Variants in DIP2A observed in about 807,000 individuals in gnomAD.
The protein encoded by DIP2A is disco-interacting protein 2 homolog A.
In DIP2A, 85 loss-of-function variants were observed where a neutral mutation model predicts 177.4. That is an observed-to-expected ratio of 0.48 (90% confidence interval 0.40 to 0.57). DIP2A has a LOEUF of 0.57. DIP2A is among the 20% of genes least tolerant of loss of function. The pLI is 0.00. For missense variants in DIP2A, 1,791 were observed against 2,100.2 expected (o/e 0.85, Z 2.88); for synonymous variants, 886 against 881.8 (o/e 1.00, Z -0.08).
At chr21:46,564,712 G>C (rs541601247) in intron 35 of DIP2A, among the ~76,000 whole-genome samples, 4 of 152,190 alleles carry the variant, frequency 2.6e-5, no homozygotes, top group Non-Finnish European at 5.9e-5. Flanking sequence ...CCAGCAAGCC[G>C]TGCCCAGAGG....
chr21:46,513,115 T>TTC (rs1555890784), intron 8 of DIP2A, among the ~76,000 whole-genome samples: 1 of 151,594 alleles, frequency 6.6e-6, no homozygotes, highest in Non-Finnish European at 1.5e-5. Flanking sequence ...TGTTTTTTTT[T>TTC]CCTGTATTGT....
chr21:46,555,958 T>A (rs752104379), intron 28 of DIP2A, 24 bp from the exon 29 acceptor site: 1 of 1,542,716 alleles, frequency 6.5e-7, no homozygotes, highest in Non-Finnish European at 9.0e-7. Context: ...AACACTAATG[T>A]TGCTGGTGTC....
At chr21:46,547,820 C>T (rs1432032820) in intron 21 of DIP2A, among the ~76,000 whole-genome samples, 1 of 151,938 alleles carries the variant, frequency 6.6e-6, no homozygotes, top group African/African-American at 2.4e-5. Flanking sequence ...CAGACATGCA[C>T]CCCACGCCTG....
chr21:46,488,881 G>C (rs2056841648), intron 2 of DIP2A, among the ~76,000 whole-genome samples: 1 of 152,152 alleles, frequency 6.6e-6, no homozygotes, highest in South Asian at 2.1e-4. Context: ...AAGAATAAAA[G>C]GATGCATATT....
chr21:46,563,481 A>T lies in DIP2A; in HGVS notation c.4090-377A>T, dbSNP rs111647996. Among the ~76,000 whole-genome samples the T allele has an allele frequency of 0.028, 4,210 of 152,246 alleles. 78 individuals carry two copies. The highest frequency in any genetic ancestry group is 0.038 in the Non-Finnish European group (2,600 of 68,010). ...CTTCCTCATGGTCAGGTTCCTGGCC[A>T]AGAACTAGGACAGACATGTGCCTCC... On this transcript the variant is annotated intron_variant, in intron 34 of 37. Transcript: ENST00000417564. The surrounding 1 kb of genome is among the most constrained non-coding windows in gnomAD (Gnocchi z 4.3).
chr21:46,539,588 G>A, intron 16 of DIP2A: 2 of 431,226 alleles, frequency 4.6e-6, no homozygotes, highest in South Asian at 2.0e-5. Flanking sequence ...TCCTTGCAGT[G>A]CCGTGCAGCT....
At chr21:46,514,770 G>A (rs983916931) in intron 8 of DIP2A, among the ~76,000 whole-genome samples, 8 of 151,536 alleles carry the variant, frequency 5.3e-5, no homozygotes, top group African/African-American at 1.7e-4. Context: ...GATGTGTTCT[G>A]TAGTTTTGTT....
chr21:46,532,182 G>T lies in DIP2A; in HGVS notation c.1250G>T (p.Gly417Val). The T allele has an allele frequency of 6.2e-7, 1 of 1,613,782 alleles. No homozygotes were observed. The highest frequency in any genetic ancestry group is 8.5e-7 in the Non-Finnish European group (1 of 1,179,810). The change falls in exon 10 of 38, where the codon GGG (glycine) becomes GTG (valine). Residue 417 changes from glycine to valine, a missense_variant. Physicochemically the swap from Gly to Val is moderately radical, Grantham distance 109. Coordinates refer to ENST00000417564, the MANE Select transcript of DIP2A (RefSeq NM_015151.4). ...GTGATGTTCATGGTTGCATTTTATG[G>T]GTGTCTCCTGGCAGAGCTGGTTCCT... The part of the protein sequence containing the change: ...DPVMFMVAFY[G>V]CLLAELVPVP...
Position 46,567,513 on chromosome 21 carries a change from A to T in DIP2A, c.4607A>T (p.Asp1536Val). 3 of 1,613,648 alleles carry T rather than the reference A, an allele frequency of 1.9e-6. No homozygotes were observed. Among genetic ancestry groups the T allele is most frequent in the African/African-American group, 1.3e-5 (1 of 74,928 alleles). ...YLVVGVVVIV[D>V]PGVIPINSRG... ...GTCGTGGGAGTGGTGGTCATCGTGG[A>T]CCCAGGGGTGATCCCTATCAACTCT... The change falls in exon 38 of 38, where the codon GAC (aspartate) becomes GTC (valine). Residue 1536 changes from aspartate to valine, a missense_variant. By Grantham distance (152) the Asp-to-Val change is radical. Coordinates refer to ENST00000417564, the MANE Select transcript of DIP2A (RefSeq NM_015151.4).
rs951877449 is a variant in DIP2A at position 46,490,856 on chromosome 21, A to C, written c.283+137A>C. ...TATTTTCACATAAGCAGTAATGTAC[A>C]TCATCATATTTTTTTCAAGAAAAAC... On this transcript the variant is annotated intron_variant, in intron 3 of 37. Transcript: ENST00000417564. 5 of 1,123,948 alleles carry C rather than the reference A, an allele frequency of 4.4e-6. No individual in the cohort carries two copies. The African/African-American group carries it at 4.8e-5, about 11-fold the overall frequency. 69.6% of individuals were successfully genotyped at this position (1,123,948 alleles called of 1,614,324 possible). A position where few individuals can be genotyped will look rare whatever the true frequency, so the allele number is the denominator to read the frequency against.
chr21:46,559,099 A>C (rs2060577460), intron 32 of DIP2A: 1 of 74,480 alleles, frequency 1.3e-5, no homozygotes, highest in Non-Finnish European at 3.4e-5. Flanking sequence ...CCTGTCTCAA[A>C]AAAAAAAAAA....
chr21:46,552,733 C>G (rs1326896838), intron 25 of DIP2A, among the ~76,000 whole-genome samples: 1 of 152,184 alleles, frequency 6.6e-6, no homozygotes, highest in Non-Finnish European at 1.5e-5. Context: ...ATCAGTCTTT[C>G]CTGCTAGAAA....
chr21:46,519,995 C>T (rs1333243765), intron 8 of DIP2A, among the ~76,000 whole-genome samples: 3 of 150,476 alleles, frequency 2.0e-5, no homozygotes, highest in African/African-American at 7.4e-5. Flanking sequence ...CTGCCTCAGC[C>T]TCCCAAGTAG....
In DIP2A at chr21:46,563,561, G is replaced by T. The variant is rs776696571; in HGVS notation, c.4090-297G>T. ...ACCCCTGGATGGATGCCCATCAGGTGCGCTGGCATCACCTGGCTGATTGTC... is the reference window on the plus strand; with the variant it reads ...ACCCCTGGATGGATGCCCATCAGGTTCGCTGGCATCACCTGGCTGATTGTC... On this transcript the variant is annotated intron_variant, in intron 34 of 37. Coordinates refer to ENST00000417564, the MANE Select transcript of DIP2A (RefSeq NM_015151.4). The surrounding 1 kb of genome is among the most constrained non-coding windows in gnomAD (Gnocchi z 4.3). 1 of 372,420 alleles carries T rather than the reference G, an allele frequency of 2.7e-6. No homozygotes were observed. The highest frequency in any genetic ancestry group is 5.0e-6 in the Non-Finnish European group (1 of 198,416). 23.1% of individuals were successfully genotyped at this position (372,420 alleles called of 1,614,324 possible).
rs144779961 is a variant in DIP2A, at chr21:46,468,158, C to T, written c.91+8936C>T. On this transcript the variant is annotated intron_variant, in intron 1 of 37. Coordinates refer to ENST00000417564, the MANE Select transcript of DIP2A (RefSeq NM_015151.4). Reference sequence around the variant, plus strand: ...GCAAGTACCTATAATCCCAGCTACTCGGGAGACTGAGGCAGGAGAATCTCT... The same window carrying T: ...GCAAGTACCTATAATCCCAGCTACTTGGGAGACTGAGGCAGGAGAATCTCT... Among the ~76,000 whole-genome samples the T allele has an allele frequency of 6.5e-3, 960 of 148,430 alleles. 11 individuals carry two copies. The highest frequency in any genetic ancestry group is 6.1e-3 in the Non-Finnish European group (412 of 67,532).
chr21:46,571,361 C>T (rs2060964697), downstream of DIP2A, among the ~76,000 whole-genome samples: 1 of 152,154 alleles, frequency 6.6e-6, no homozygotes, highest in East Asian at 1.9e-4. Flanking sequence ...GCAGATTGCT[C>T]ATCAGAAACT....
chr21:46,541,953 G>A (rs1404184297), intron 18 of DIP2A, 58 bp downstream of exon 18: 5 of 1,602,468 alleles, frequency 3.1e-6, no homozygotes, highest in Non-Finnish European at 4.3e-6. Flanking sequence ...AACGAAAAGG[G>A]TTTTGTTTTG....
chr21:46,482,581 A>G (rs1424322792), intron 1 of DIP2A, among the ~76,000 whole-genome samples: 1 of 152,192 alleles, frequency 6.6e-6, no homozygotes, highest in African/African-American at 2.4e-5. Context: ...TTAACTGTCA[A>G]ACAGCCTCAG....
chr21:46,582,591 T>C, the DIP2A span, among the ~76,000 whole-genome samples: 3 of 152,120 alleles, frequency 2.0e-5, no homozygotes, highest in African/African-American at 7.2e-5. Context: ...TCCTGAGTGG[T>C]CCATCGCTCC....
Sources: allele counts gnomAD v4.1 joint callset (sites outside exome capture counted in the v4.1 genomes callset), GRCh38; gene constraint gnomAD v4.1.1; non-coding constraint Gnocchi (gnomAD v3.1); transcripts MANE v1.5; gene names NCBI Gene and HGNC (gene_info 2026-07-23, HGNC 2026-07-21).